SIGLEC7: variants seen among roughly 807,000 people sequenced by gnomAD.
SIGLEC7 encodes the protein sialic acid-binding Ig-like lectin 7.
In SIGLEC7, 33 loss-of-function variants were observed where a neutral mutation model predicts 40.8. The observed-to-expected ratio is 0.81, with a 90% CI of 0.61 to 1.08. The LOEUF is 1.08. Ranked by LOEUF, SIGLEC7 falls within the 50% of genes least tolerant of loss-of-function variation. The pLI is 0.00. For synonymous variants in SIGLEC7, 242 were observed against 237.6 expected (o/e 1.02, Z -0.17); for missense variants, 513 against 576.1 (o/e 0.89, Z 1.12).
rs542923127 is a variant in SIGLEC7, at chr19:51,145,483, C to T, written c.761-372C>T. Among the ~76,000 whole-genome samples, 3 of 152,264 alleles carry T rather than the reference C, an allele frequency of 2.0e-5. No individual in the cohort carries two copies. The highest frequency in any genetic ancestry group is 2.0e-4 in the Admixed American group (3 of 15,298). On this transcript the variant is annotated intron_variant, in intron 3 of 6. Coordinates refer to ENST00000317643, the MANE Select transcript of SIGLEC7 (RefSeq NM_014385.4). This position sits in a 1 kb window ranked among gnomAD's most constrained non-coding sequence, Gnocchi z 4.3. The stretch of plus-strand genomic sequence containing the variant: ...CCTCTTCTAGGGATGTGTGTGATTC[C>T]ACTGTCTGAATAGTCTCTGATTTTG...
In SIGLEC7 at chr19:51,144,542, C is replaced by A; in HGVS notation, c.570C>A (p.Ser190=). ...TCTCCTGGATGGGGACCTCTGTGTC[C>A]CCCCTGCACCCCTCCACCACCCGCT... ...PMISWMGTSV[S]PLHPSTTRSS... Residue 190 remains serine (S), a synonymous_variant, in exon 2 of 7, where the codon TCC becomes TCA. Coordinates refer to ENST00000317643, the MANE Select transcript of SIGLEC7 (RefSeq NM_014385.4). 3 of 1,613,864 alleles carry A rather than the reference C, an allele frequency of 1.9e-6. No individual in the cohort carries two copies. Among genetic ancestry groups the A allele is most frequent in the Non-Finnish European group, 2.5e-6 (3 of 1,180,006 alleles).
Position 51,147,230 on chromosome 19 carries a change from C to A in SIGLEC7, c.1134C>A (p.Ser378=), listed in dbSNP as rs1568621625. The A allele has an allele frequency of 1.2e-6, 2 of 1,612,352 alleles. No homozygotes were observed. Among genetic ancestry groups the A allele is most frequent in the Non-Finnish European group, 1.7e-6 (2 of 1,178,996 alleles). Residue 378 remains serine, a synonymous_variant, in exon 6 of 7, where the codon TCC becomes TCA. Transcript: ENST00000317643. ...SFCVIFIVVR[S]CRKKSARPAA... Reference sequence around the variant, plus strand: ...TGGTCTCTTCACTCAGAGTGAGGTCCTGCAGGAAGAAATCGGCAAGGCCAG... The same window carrying A: ...TGGTCTCTTCACTCAGAGTGAGGTCATGCAGGAAGAAATCGGCAAGGCCAG...
rs936070707 is a variant in SIGLEC7 at position 51,146,319 on chromosome 19, G to A, written c.1027+198G>A. Among the ~76,000 whole-genome samples, 4 of 152,142 alleles carry A rather than the reference G, an allele frequency of 2.6e-5. No individual in the cohort carries two copies. The South Asian group carries it at 8.3e-4, about 31-fold the overall frequency. On this transcript the variant is annotated intron_variant, in intron 4 of 6. Coordinates refer to ENST00000317643, the MANE Select transcript of SIGLEC7 (RefSeq NM_014385.4). Reference sequence around the variant, plus strand: ...TAAGGCAGGAAGAGGGGAGGAGTGGGTCTTGGAGGGGAGGAGCTGGGGCCT... The same window carrying A: ...TAAGGCAGGAAGAGGGGAGGAGTGGATCTTGGAGGGGAGGAGCTGGGGCCT...
At chr19:51,144,723 G>C (rs569157569) in intron 2 of SIGLEC7, 39 bp downstream of exon 2, 4 of 1,602,502 alleles carry the variant, frequency 2.5e-6, no homozygotes, top group Non-Finnish European at 3.4e-6. Flanking sequence ...CCTGATGAGG[G>C]GGGGACGTCC....
chr19:51,147,191 A>C (rs2092114255), intron 5 of SIGLEC7, 30 bp from the exon 6 acceptor site: 1 of 1,610,768 alleles, frequency 6.2e-7, no homozygotes, highest in South Asian at 1.1e-5. Flanking sequence ...ATCTGACCAC[A>C]CTGAAAGGCT....
At chr19:51,148,991 C>T (rs977272939) in intron 6 of SIGLEC7, among the ~76,000 whole-genome samples, 1 of 152,114 alleles carries the variant, frequency 6.6e-6, no homozygotes, top group East Asian at 1.9e-4. Flanking sequence ...CTGTTCATGT[C>T]CTTTGCTCAC....
Position 51,142,820 on chromosome 19 carries a change from A to T in SIGLEC7, c.433+18A>T. 1 of 1,568,508 alleles carries T rather than the reference A, an allele frequency of 6.4e-7. No homozygotes were observed. The highest frequency in any genetic ancestry group is 8.6e-7 in the Non-Finnish European group (1 of 1,156,886). On this transcript the variant is annotated intron_variant, in intron 1 of 6. Coordinates refer to ENST00000317643, the MANE Select transcript of SIGLEC7 (RefSeq NM_014385.4). This position sits in a 1 kb window ranked among gnomAD's most constrained non-coding sequence, Gnocchi z 5.0. Reference sequence around the variant, plus strand: ...CGTGACAGGTAAGGCACGGGCTCCAAGAGAGGCCAAAGGCAAATGTGATGA... The same window carrying T: ...CGTGACAGGTAAGGCACGGGCTCCATGAGAGGCCAAAGGCAAATGTGATGA...
In SIGLEC7 at chr19:51,153,506, A is replaced by G; in HGVS notation, c.*261A>G. ...TAAGGATGACTACTTTAGATTCCGA[A>G]TATAGTGAGATTGTAACGTGTTTGT... On this transcript the variant is annotated 3_prime_UTR_variant, in exon 7 of 7. Transcript: ENST00000317643. The G allele has an allele frequency of 3.7e-6, 1 of 268,750 alleles. No individual in the cohort carries two copies. The highest frequency in any genetic ancestry group is 1.4e-4 in the South Asian group (1 of 7,124). The allele number at this position is 268,750 out of a possible 1,614,324, so 16.6% of individuals were successfully genotyped here.
At chr19:51,147,435 C>A in intron 6 of SIGLEC7, 118 bp downstream of exon 6, 1 of 759,030 alleles carries the variant, frequency 1.3e-6, no homozygotes, top group East Asian at 3.4e-5. Context: ...CTCCTCCTTC[C>A]CACCATCCAG....
chr19:51,146,660 A>T, intron 4 of SIGLEC7, 94 bp from the exon 5 acceptor site: 1 of 1,009,780 alleles, frequency 9.9e-7, no homozygotes, highest in Non-Finnish European at 1.5e-6. Context: ...AAGGGGGATT[A>T]GGGTACCCAA....
At chr19:51,146,653 G>C (rs894447417) in intron 4 of SIGLEC7, 101 bp from the exon 5 acceptor site, 1 of 954,492 alleles carries the variant, frequency 1.0e-6, no homozygotes, top group African/African-American at 1.6e-5. Context: ...TTCTGGGAAG[G>C]GGGATTAGGG....
chr19:51,146,958 G>A, intron 5 of SIGLEC7, 108 bp downstream of exon 5: 1 of 1,158,762 alleles, frequency 8.6e-7, no homozygotes, highest in Non-Finnish European at 1.2e-6. Context: ...AGAGCTTGGG[G>A]CAAGAATGAG....
chr19:51,143,370 T>C (rs1599829977), intron 1 of SIGLEC7, among the ~76,000 whole-genome samples: 1 of 152,072 alleles, frequency 6.6e-6, no homozygotes, highest in African/African-American at 2.4e-5. Context: ...TCTCATGCCC[T>C]GAGGTCCTCG....
Position 51,142,483 on chromosome 19 carries a change from G to C in SIGLEC7, c.114G>C (p.Glu38Asp), listed in dbSNP as rs2092074652. ...TGCAGAGTTCCGTGACCGTGCAAGA[G>C]GGCATGTGTGTCCATGTGCGCTGCT... ...LTMQSSVTVQ[E>D]GMCVHVRCSF... The change falls in exon 1 of 7, where the codon GAG (glutamate) becomes GAC (aspartate). Residue 38 changes from glutamate (E) to aspartate (D), a missense_variant. Coordinates refer to ENST00000317643, the MANE Select transcript of SIGLEC7 (RefSeq NM_014385.4). This position sits in a 1 kb window ranked among gnomAD's most constrained non-coding sequence, Gnocchi z 5.0. 6.2e-7 allele frequency: 1 copy of C among 1,614,066 alleles called. No homozygotes were observed. The highest frequency in any genetic ancestry group is 1.1e-5 in the South Asian group (1 of 91,088).
intron 6 of SIGLEC7, among the ~76,000 whole-genome samples, chr19:51,151,896 G>A (rs532679584): frequency 1.1e-4 from 16 of 152,356 alleles, no homozygotes; most frequent in South Asian, 6.2e-4. Context: ...CTTCTGCACA[G>A]GGGAGCAGCA....
At position 51,142,683 on chromosome 19, in the gene SIGLEC7, A is replaced by C; in HGVS notation, c.314A>C (p.Asn105Thr). 6.2e-7 allele frequency: 1 copy of C among 1,614,156 alleles called. No homozygotes were observed. Among genetic ancestry groups the C allele is most frequent in the Non-Finnish European group, 8.5e-7 (1 of 1,180,032 alleles). Residue 105 changes from asparagine to threonine, a missense_variant, in exon 1 of 7, where the codon AAT becomes ACT. Asn to Thr is a moderately conservative substitution (Grantham distance 65). Coordinates refer to ENST00000317643, the MANE Select transcript of SIGLEC7 (RefSeq NM_014385.4). The surrounding 1 kb of genome is among the most constrained non-coding windows in gnomAD (Gnocchi z 5.0). ...FHLLGDPQTK[N>T]CTLSIRDARM... The stretch of plus-strand genomic sequence containing the variant: ...CTCCTTGGGGACCCACAGACCAAAA[A>C]TTGCACCCTGAGCATCAGAGATGCC...
In SIGLEC7 at chr19:51,153,242, G is replaced by T. The variant is rs759947101; in HGVS notation, c.1401G>T (p.Lys467Asn). The T allele has an allele frequency of 1.3e-6, 2 of 1,561,616 alleles. No homozygotes were observed. Among genetic ancestry groups the T allele is most frequent in the Non-Finnish European group, 1.7e-6 (2 of 1,152,398 alleles). ...AGTACTCAGAGATCAAGATCCCCAA[G>T]TAAGAAAATGCAGAGGCTCGGGCTT... The part of the protein sequence containing the change: ...NNEYSEIKIP[K>N] The change falls in exon 7 of 7, where the codon AAG becomes AAT. Residue 467 changes from lysine to asparagine, a missense_variant. Transcript: ENST00000317643.
At chr19:51,151,510 A>G (rs2092143352) in intron 6 of SIGLEC7, among the ~76,000 whole-genome samples, 1 of 152,244 alleles carries the variant, frequency 6.6e-6, no homozygotes, top group South Asian at 2.1e-4. Context: ...CATGAAGCCA[A>G]CACAGTGGAT....
rs77060454 is a variant in SIGLEC7, at chr19:51,152,249, C to T, written c.1222-814C>T. On this transcript the variant is annotated intron_variant, in intron 6 of 6. Coordinates refer to ENST00000317643, the MANE Select transcript of SIGLEC7 (RefSeq NM_014385.4). ...TGGCATCTTCCAATCTCTCTAAGCC[C>T]TCCTCCTTTCACTTGTAAGGACTCC... Among the ~76,000 whole-genome samples the T allele has an allele frequency of 4.2e-3, 640 of 152,280 alleles. 5 individuals carry two copies. The highest frequency in any genetic ancestry group is 0.015 in the African/African-American group (612 of 41,564).
Sources: allele counts gnomAD v4.1 joint callset (sites outside exome capture counted in the v4.1 genomes callset), GRCh38; gene constraint gnomAD v4.1.1; non-coding constraint Gnocchi (gnomAD v3.1); transcripts MANE v1.5; gene names NCBI Gene and HGNC (gene_info 2026-07-23, HGNC 2026-07-21).